The following DLG2 variants were observed in gnomAD, a reference collection of about 807,000 sequenced individuals.
DLG2 encodes disks large homolog 2.
DLG2 carries 45 observed loss-of-function variants against 132.5 expected under a neutral mutation model. That is an observed-to-expected ratio of 0.34 (90% CI 0.27 to 0.44). The LOEUF (loss-of-function observed/expected upper bound fraction) is 0.44. DLG2 is among the 20% of genes least tolerant of loss of function. The probability of loss-of-function intolerance (pLI) is 1.00; values close to 1 mark genes in which losing one functional copy is unlikely to be tolerated. For synonymous variants in DLG2, 424 were observed against 419.6 expected (o/e 1.01, Z -0.13); for missense variants, 1,045 against 1,196.9 (o/e 0.87, Z 1.87).
At chr11:83,558,494 C>G (rs909347866) in intron 19 of DLG2, among the ~76,000 whole-genome samples, 1 of 152,070 alleles carries the variant, frequency 6.6e-6, no homozygotes, top group African/African-American at 2.4e-5. Flanking sequence ...TTATTGAATG[C>G]CTGCTATTGG....
Position 83,787,319 on chromosome 11 carries a change from TTTTG to T in DLG2, c.1723-531_1723-528del, listed in dbSNP as rs1306099917. ...TAGACAGCCTTAAGCCTTGTTTTTT[TTTTG>T]TTTTTTTTTTTTTTTTTAGACAGAG... On this transcript the variant is annotated intron_variant, in intron 17 of 27. Coordinates refer to ENST00000376104, the MANE Select transcript of DLG2 (RefSeq NM_001142699.3). 3.2e-3 allele frequency among the ~76,000 whole-genome samples: 296 copies of T among 92,350 alleles called. 21 individuals carry two copies. Among genetic ancestry groups the T allele is most frequent in the South Asian group, 6.4e-3 (17 of 2,664 alleles). The allele number at this position is 92,350 out of a possible 152,430, so 60.6% of individuals were successfully genotyped here.
intron 3 of DLG2, among the ~76,000 whole-genome samples, chr11:85,541,351 T>A (rs942951852): frequency 6.6e-6 from 1 of 151,992 alleles, no homozygotes; most frequent in African/African-American, 2.4e-5. Flanking sequence ...TGACTTCATA[T>A]AACATACAGC....
intron 6 of DLG2, among the ~76,000 whole-genome samples, chr11:84,994,762 G>A (rs867034202): frequency 6.6e-5 from 10 of 152,042 alleles, no homozygotes; most frequent in South Asian, 4.1e-4. Context: ...AGCCAAAAAG[G>A]GAGGCATCCA....
intron 6 of DLG2, among the ~76,000 whole-genome samples, chr11:84,777,449 C>A (rs2070868607): frequency 6.6e-6 from 1 of 150,826 alleles, no homozygotes; most frequent in Non-Finnish European, 1.5e-5. Context: ...ATTTCTTCTC[C>A]TCTGAGCAGA....
At chr11:84,700,936 C>T (rs1432989782) in intron 6 of DLG2, among the ~76,000 whole-genome samples, 2 of 151,620 alleles carry the variant, frequency 1.3e-5, no homozygotes, top group African/African-American at 4.8e-5. Context: ...TAAACTTCCA[C>T]CAAGACATAT....
chr11:85,465,395 G>A (rs953215096), intron 3 of DLG2, among the ~76,000 whole-genome samples: 1 of 151,888 alleles, frequency 6.6e-6, no homozygotes, highest in African/African-American at 2.4e-5. Flanking sequence ...ATGCTGGTGT[G>A]CTGCACCCAG....
intron 3 of DLG2, among the ~76,000 whole-genome samples, chr11:85,392,420 A>G (rs533252534): frequency 4.7e-4 from 71 of 151,900 alleles, no homozygotes; most frequent in African/African-American, 1.7e-3. Flanking sequence ...CATTCTTCAC[A>G]AAACTAAAAA....
intron 7 of DLG2, among the ~76,000 whole-genome samples, chr11:84,401,957 T>C (rs987994138): frequency 3.9e-5 from 6 of 152,220 alleles, no homozygotes; most frequent in Admixed American, 6.5e-5. Flanking sequence ...GAAACTGATA[T>C]GAATTTCAAG....
intron 10 of DLG2, among the ~76,000 whole-genome samples, chr11:84,075,432 T>A (rs2096816276): frequency 6.6e-6 from 1 of 152,146 alleles, no homozygotes. Context: ...AAGAGTTGAA[T>A]AAAAAATGAA....
intron 6 of DLG2, among the ~76,000 whole-genome samples, chr11:84,817,724 AAG>A (rs1033605274): frequency 1.3e-5 from 2 of 151,982 alleles, no homozygotes; most frequent in African/African-American, 4.8e-5. Flanking sequence ...GTAATGGGTG[AAG>A]ACGATTACTT....
intron 4 of DLG2, among the ~76,000 whole-genome samples, chr11:85,258,557 G>T (rs533794290): frequency 3.3e-5 from 5 of 152,226 alleles, no homozygotes; most frequent in African/African-American, 1.2e-4. Context: ...TTACTGAATT[G>T]ACTTTTATGC....
chr11:85,203,529 A>G lies in DLG2; in HGVS notation c.187-48878T>C, dbSNP rs1216640943. Among the ~76,000 whole-genome samples, 4 of 152,050 alleles carry G rather than the reference A, an allele frequency of 2.6e-5. 1 individual carries two copies. The South Asian group carries it at 8.3e-4, about 31-fold the overall frequency. On this transcript the variant is annotated intron_variant, in intron 4 of 27. Coordinates refer to ENST00000376104, the MANE Select transcript of DLG2 (RefSeq NM_001142699.3). ...TAGAAAACATGAACAAATAAGTATA[A>G]TGAGATCAAAGAAGTAATAAAAAGT...
chr11:83,626,099 T>C (rs1472286811), intron 19 of DLG2, among the ~76,000 whole-genome samples: 4 of 152,212 alleles, frequency 2.6e-5, no homozygotes, highest in Admixed American at 2.0e-4. Flanking sequence ...AGGTCCAGTA[T>C]TGAATAATAC....
intron 3 of DLG2, among the ~76,000 whole-genome samples, chr11:85,423,890 C>T (rs2090511471): frequency 6.6e-6 from 1 of 152,188 alleles, no homozygotes; most frequent in Admixed American, 6.5e-5. Flanking sequence ...CCCTTCTTCC[C>T]CCACCTACGG....
intron 20 of DLG2, among the ~76,000 whole-genome samples, chr11:83,535,426 G>A (rs1302605531): frequency 6.6e-6 from 1 of 152,114 alleles, no homozygotes; most frequent in South Asian, 2.1e-4. Context: ...TTTGGACAGA[G>A]CATTCTAATA....
At chr11:83,483,757 C>A (rs1056850172) in intron 22 of DLG2, among the ~76,000 whole-genome samples, 1 of 152,074 alleles carries the variant, frequency 6.6e-6, no homozygotes, top group East Asian at 1.9e-4. Flanking sequence ...TTTAATTGTT[C>A]CTAACATTCC....
At chr11:84,046,735 C>T (rs959509379) in intron 11 of DLG2, among the ~76,000 whole-genome samples, 1 of 151,536 alleles carries the variant, frequency 6.6e-6, no homozygotes, top group Admixed American at 6.6e-5. Context: ...TCAGTGGGAT[C>T]TCATAACTAG....
intron 3 of DLG2, among the ~76,000 whole-genome samples, chr11:85,491,291 G>A (rs560123540): frequency 1.7e-4 from 26 of 152,158 alleles, no homozygotes; most frequent in Middle Eastern, 3.4e-3. Flanking sequence ...GGCCATGTGT[G>A]ACAAACCTAC....
At chr11:85,265,212 ATCT>A (rs2077145119) in intron 4 of DLG2, among the ~76,000 whole-genome samples, 1 of 152,204 alleles carries the variant, frequency 6.6e-6, no homozygotes, top group African/African-American at 2.4e-5. Context: ...CAGACTGAAT[ATCT>A]GCATGACCCC....
Sources: allele counts gnomAD v4.1 joint callset (sites outside exome capture counted in the v4.1 genomes callset), GRCh38; gene constraint gnomAD v4.1.1; transcripts MANE v1.5; gene names NCBI Gene and HGNC (gene_info 2026-07-23, HGNC 2026-07-21).